CACNA2D3: variants seen among roughly 807,000 people sequenced by gnomAD.
CACNA2D3 encodes calcium voltage-gated channel auxiliary subunit alpha2delta 3, also known as voltage-dependent calcium channel subunit alpha-2/delta-3.
In CACNA2D3, 60 loss-of-function variants were observed where a neutral mutation model predicts 160.6. The observed-to-expected ratio is 0.37, with a 90% CI of 0.30 to 0.46. CACNA2D3 has a LOEUF of 0.46. Among genes scored for constraint, CACNA2D3 ranks in the 20% least tolerant of loss-of-function variants. The probability of loss-of-function intolerance (pLI) is 1.00; values close to 1 mark genes in which losing one functional copy is unlikely to be tolerated. For synonymous variants in CACNA2D3, 558 were observed against 492.9 expected (o/e 1.13, Z -1.75); for missense variants, 1,205 against 1,365.0 (o/e 0.88, Z 1.85).
chr3:54,891,625 A>G (rs950760097), intron 25 of CACNA2D3, among the ~76,000 whole-genome samples, 175 bp downstream of exon 25: 1 of 152,096 alleles, frequency 6.6e-6, no homozygotes, highest in Admixed American at 6.5e-5. Context: ...ATGTGCTTTC[A>G]CCTGCCTGTT....
intron 9 of CACNA2D3, among the ~76,000 whole-genome samples, chr3:54,617,297 CT>C (rs1193820892): frequency 1.3e-5 from 2 of 152,220 alleles, no homozygotes; most frequent in Non-Finnish European, 2.9e-5. Context: ...CTGTTCTTAT[CT>C]GTCCAGCACC....
intron 12 of CACNA2D3, among the ~76,000 whole-genome samples, chr3:54,763,911 C>G (rs1702168355): frequency 9.7e-6 from 1 of 102,830 alleles, no homozygotes; most frequent in Non-Finnish European, 1.9e-5. Flanking sequence ...GGGGGGGGTG[C>G]ATATAAAGTT....
chr3:54,768,892 G>A (rs985050372), intron 13 of CACNA2D3, among the ~76,000 whole-genome samples: 3 of 152,054 alleles, frequency 2.0e-5, no homozygotes, highest in African/African-American at 4.8e-5. Flanking sequence ...TACATCTCCC[G>A]GTAGAATGTT....
chr3:54,988,219 C>T (rs140925539), intron 31 of CACNA2D3, among the ~76,000 whole-genome samples: 1 of 152,256 alleles, frequency 6.6e-6, no homozygotes, highest in African/African-American at 2.4e-5. Flanking sequence ...TCTCAAAATC[C>T]GCTCTTGATG....
chr3:54,804,751 T>A (rs1055355136), intron 13 of CACNA2D3, among the ~76,000 whole-genome samples: 21 of 152,124 alleles, frequency 1.4e-4, no homozygotes, highest in Non-Finnish European at 2.2e-4. Context: ...AACATACATT[T>A]TTTGCAGCAC....
chr3:54,402,804 C>G (rs891572895), intron 4 of CACNA2D3, among the ~76,000 whole-genome samples: 2 of 152,148 alleles, frequency 1.3e-5, no homozygotes, highest in African/African-American at 4.8e-5. Context: ...ACACAACTTT[C>G]CATCCAACAG....
chr3:54,992,685 T>C (rs531643624), intron 31 of CACNA2D3, among the ~76,000 whole-genome samples: 1 of 151,894 alleles, frequency 6.6e-6, no homozygotes, highest in East Asian at 1.9e-4. Flanking sequence ...ATCCTCCCCT[T>C]AGGGTGTGAT....
chr3:54,801,439 C>T (rs1210538710), intron 13 of CACNA2D3, among the ~76,000 whole-genome samples: 1 of 152,126 alleles, frequency 6.6e-6, no homozygotes, highest in Non-Finnish European at 1.5e-5. Context: ...AGTAATTCAC[C>T]TTCTTGAAAA....
chr3:54,595,236 G>C (rs1374118208), intron 9 of CACNA2D3, among the ~76,000 whole-genome samples: 4 of 152,044 alleles, frequency 2.6e-5, no homozygotes, highest in African/African-American at 9.7e-5. Context: ...ATCCATCTGG[G>C]AATCTCTCGA....
intron 16 of CACNA2D3, among the ~76,000 whole-genome samples, chr3:54,841,254 A>G (rs1698814593): frequency 6.6e-6 from 1 of 152,238 alleles, no homozygotes; most frequent in Admixed American, 6.5e-5. Flanking sequence ...ATTTTTACTT[A>G]AGGATGCTTG....
chr3:54,518,954 G>A (rs1043909210), intron 5 of CACNA2D3, among the ~76,000 whole-genome samples: 4 of 152,238 alleles, frequency 2.6e-5, no homozygotes, highest in Non-Finnish European at 5.9e-5. Context: ...GAAATTGAGG[G>A]GGGAGAAAAG....
intron 13 of CACNA2D3, among the ~76,000 whole-genome samples, chr3:54,815,121 A>T (rs977540639): frequency 6.6e-6 from 1 of 151,954 alleles, no homozygotes; most frequent in East Asian, 1.9e-4. Flanking sequence ...CTCGTGGTCT[A>T]TTTTTTTCTG....
chr3:54,838,714 T>C (rs1172149276), intron 16 of CACNA2D3, 66 bp downstream of exon 16: 2 of 1,223,938 alleles, frequency 1.6e-6, no homozygotes, highest in Non-Finnish European at 2.4e-6. Flanking sequence ...TTTCACAAAG[T>C]TCAGGCTTCA....
intron 5 of CACNA2D3, among the ~76,000 whole-genome samples, chr3:54,519,105 C>T (rs527280719): frequency 0.029 from 407 of 13,908 alleles, 3 homozygotes; most frequent in African/African-American, 0.11. Flanking sequence ...GCCAACTGTC[C>T]TCAGTTGACA....
In CACNA2D3 at chr3:55,045,233, A is replaced by G. The variant is rs937738793; in HGVS notation, c.2987+26916A>G. ...CTGGCTAATTTTTTGTATTTTTAGT[A>G]GAGATGGGGTTTCACCATGCTGGCT... On this transcript the variant is annotated intron_variant, in intron 35 of 37. Transcript: ENST00000474759. 1.5e-3 allele frequency among the ~76,000 whole-genome samples: 226 copies of G among 152,118 alleles called. 3 individuals are homozygous for G. The highest frequency in any genetic ancestry group is 7.2e-4 in the Non-Finnish European group (49 of 68,028).
intron 11 of CACNA2D3, among the ~76,000 whole-genome samples, chr3:54,718,731 T>A (rs997879962): frequency 6.6e-6 from 1 of 152,080 alleles, no homozygotes; most frequent in African/African-American, 2.4e-5. Context: ...GAGACTTTGA[T>A]TGCGATTGAG....
intron 35 of CACNA2D3, among the ~76,000 whole-genome samples, chr3:55,071,370 G>C (rs1011145041): frequency 6.6e-6 from 1 of 152,140 alleles, no homozygotes; most frequent in Non-Finnish European, 1.5e-5. Flanking sequence ...TGGCAGTCAT[G>C]TGTCTGTAGG....
chr3:54,256,687 A>G (rs1420444460), intron 2 of CACNA2D3, among the ~76,000 whole-genome samples: 2 of 150,566 alleles, frequency 1.3e-5, no homozygotes, highest in East Asian at 2.0e-4. Context: ...TCTGTTACTG[A>G]CACCATCAAC....
At chr3:55,051,301 T>G (rs967355126) in intron 35 of CACNA2D3, among the ~76,000 whole-genome samples, 1 of 152,140 alleles carries the variant, frequency 6.6e-6, no homozygotes, top group African/African-American at 2.4e-5. Flanking sequence ...GTCCTTTCTG[T>G]TTGTTAGTTT....
Sources: allele counts gnomAD v4.1 joint callset (sites outside exome capture counted in the v4.1 genomes callset), GRCh38; gene constraint gnomAD v4.1.1; transcripts MANE v1.5; gene names NCBI Gene and HGNC (gene_info 2026-07-23, HGNC 2026-07-21).